Variants in TRAPPC3L observed in about 807,000 individuals in gnomAD.
TRAPPC3L encodes trafficking protein particle complex subunit 3-like protein.
TRAPPC3L carries 23 observed loss-of-function variants against 23.7 expected under a neutral mutation model. The ratio of observed to expected loss-of-function variants is 0.97; its 90% CI spans 0.70 to 1.37. The LOEUF is 1.37. TRAPPC3L is among the 40% of genes most tolerant of loss of function. TRAPPC3L has a pLI of 0.00. For synonymous variants in TRAPPC3L, 81 were observed against 77.9 expected (o/e 1.04, Z -0.21); for missense variants, 212 against 216.8 (o/e 0.98, Z 0.14).
intron 3 of TRAPPC3L, among the ~76,000 whole-genome samples, chr6:116,534,172 A>G (rs1403502212): frequency 6.6e-6 from 1 of 151,990 alleles, no homozygotes; most frequent in Non-Finnish European, 1.5e-5. Flanking sequence ...TTTATATTCA[A>G]CCTTTCATTT....
chr6:116,495,767 T>C lies in TRAPPC3L; in HGVS notation c.*1187A>G, dbSNP rs1311818153. The C allele has an allele frequency of 6.6e-6, 1 of 152,220 alleles. No individual in the cohort carries two copies. The highest frequency in any genetic ancestry group is 1.5e-5 in the Non-Finnish European group (1 of 68,028). 9.4% of individuals were successfully genotyped at this position (152,220 alleles called of 1,614,324 possible). A position where few individuals can be genotyped will look rare whatever the true frequency, so the allele number is the denominator to read the frequency against. The stretch of plus-strand genomic sequence containing the variant: ...TGATTTGCATTTCTCTGATGACCAA[T>C]GATGTTGAGCACCTTTTCATATACC... On this transcript the variant is annotated 3_prime_UTR_variant, in exon 5 of 5. Coordinates refer to ENST00000368602, the MANE Select transcript of TRAPPC3L (RefSeq NM_001139444.3).
chr6:116,512,177 A>T, intron 3 of TRAPPC3L: 1 of 1,611,216 alleles, frequency 6.2e-7, no homozygotes, highest in South Asian at 1.1e-5. Flanking sequence ...TTGTGGCAAA[A>T]CTAGCATGCT....
At chr6:116,503,720 TCACTCAAAACCG>T (rs1196642742) in intron 3 of TRAPPC3L, among the ~76,000 whole-genome samples, 1 of 152,012 alleles carries the variant, frequency 6.6e-6, no homozygotes, top group Non-Finnish European at 1.5e-5. Flanking sequence ...AGTAAAAAAC[TCACTCAAAACCG>T]CACAACTACA....
At position 116,515,513 on chromosome 6, in the gene TRAPPC3L, A is replaced by C. The variant is rs1324999466; in HGVS notation, c.241-14847T>G. 7 of 1,352,218 alleles carry C rather than the reference A, an allele frequency of 5.2e-6. No homozygotes were observed. The Admixed American group carries it at 1.6e-4, about 31-fold the overall frequency. 83.8% of individuals were successfully genotyped at this position (1,352,218 alleles called of 1,614,324 possible). Reference sequence around the variant, plus strand: ...GAGGTATGTCAAAGACTGTGGTAATAATTTAGCTATACACTTCTCAATAAT... The same window carrying C: ...GAGGTATGTCAAAGACTGTGGTAATCATTTAGCTATACACTTCTCAATAAT... On this transcript the variant is annotated intron_variant, in intron 3 of 4. Coordinates refer to ENST00000368602, the MANE Select transcript of TRAPPC3L (RefSeq NM_001139444.3).
chr6:116,521,802 A>T (rs769241483), intron 3 of TRAPPC3L: 1 of 152,246 alleles, frequency 6.6e-6, no homozygotes, highest in African/African-American at 2.4e-5. Context: ...CTTCTGGCAG[A>T]TGTAGTCGTG....
intron 3 of TRAPPC3L, among the ~76,000 whole-genome samples, chr6:116,525,650 T>C (rs1772429184): frequency 6.6e-6 from 1 of 152,242 alleles, no homozygotes; most frequent in African/African-American, 2.4e-5. Flanking sequence ...CAATGAAAAC[T>C]TGAGATTAAA....
Position 116,500,486 on chromosome 6 carries a change from C to T in TRAPPC3L, c.421G>A (p.Glu141Lys). The change falls in exon 4 of 5, where the codon GAA becomes AAA. Residue 141 changes from glutamate to lysine, a missense_variant. Coordinates refer to ENST00000368602, the MANE Select transcript of TRAPPC3L (RefSeq NM_001139444.3). Reference protein sequence around the residue: ...LLCGIIRGALEMVHLAADVTF... With the variant: ...LLCGIIRGALKMVHLAADVTF... ...CTTCACTTATTCAACTTTACCATTT[C>T]CAAGGCACCTCTGATAATCCCACAG... 1 of 1,547,286 alleles carries T rather than the reference C, an allele frequency of 6.5e-7. No individual in the cohort carries two copies. Among genetic ancestry groups the T allele is most frequent in the Non-Finnish European group, 8.7e-7 (1 of 1,145,070 alleles).
chr6:116,497,333 C>G (rs1358005754), intron 4 of TRAPPC3L, among the ~76,000 whole-genome samples: 1 of 152,170 alleles, frequency 6.6e-6, no homozygotes, highest in Non-Finnish European at 1.5e-5. Context: ...CCAAGCTTAG[C>G]TCAATGTGCA....
chr6:116,540,135 C>G (rs536437219), intron 3 of TRAPPC3L, among the ~76,000 whole-genome samples: 2 of 152,294 alleles, frequency 1.3e-5, no homozygotes, highest in South Asian at 2.1e-4. Context: ...GACATATACT[C>G]TACACACTCC....
At chr6:116,501,327 G>C (rs947368416) in intron 3 of TRAPPC3L, among the ~76,000 whole-genome samples, 1 of 152,100 alleles carries the variant, frequency 6.6e-6, no homozygotes, top group Non-Finnish European at 1.5e-5. Context: ...TTGAGTAGGC[G>C]GTTCTATGCT....
chr6:116,507,384 A>G (rs778676923), intron 3 of TRAPPC3L, among the ~76,000 whole-genome samples: 8 of 152,196 alleles, frequency 5.3e-5, no homozygotes, highest in African/African-American at 1.2e-4. Context: ...CTGTGGTCTC[A>G]GTTACCTGTG....
chr6:116,503,845 C>T (rs140409976), intron 3 of TRAPPC3L, among the ~76,000 whole-genome samples: 138 of 152,172 alleles, frequency 9.1e-4, no homozygotes, highest in Middle Eastern at 3.4e-3. Context: ...GCACAATGTA[C>T]GAGAACCTCC....
At chr6:116,540,841 C>T (rs886235849) in intron 2 of TRAPPC3L, among the ~76,000 whole-genome samples, 1 of 152,254 alleles carries the variant, frequency 6.6e-6, no homozygotes, top group Middle Eastern at 3.4e-3. Flanking sequence ...GCTAAAGCGT[C>T]TGCTACATGT....
intron 4 of TRAPPC3L, among the ~76,000 whole-genome samples, chr6:116,497,987 G>A (rs72951241): frequency 0.039 from 5,899 of 152,162 alleles, 183 homozygotes; most frequent in Middle Eastern, 0.13. Context: ...GCTCATACTG[G>A]GCCCGGCCTT....
In TRAPPC3L at chr6:116,525,949, T is replaced by C. The variant is rs1269330498; in HGVS notation, c.240+14414A>G. Among the ~76,000 whole-genome samples, 7 of 152,330 alleles carry C rather than the reference T, an allele frequency of 4.6e-5. No individual in the cohort carries two copies. The East Asian group carries it at 1.2e-3, about 25-fold the overall frequency. Reference sequence around the variant, plus strand: ...TTATTTCTCCCAGGGGTTTTGTTGGTATTTGTGTCACGGAGGAAACATGAG... The same window carrying C: ...TTATTTCTCCCAGGGGTTTTGTTGGCATTTGTGTCACGGAGGAAACATGAG... On this transcript the variant is annotated intron_variant, in intron 3 of 4. Transcript: ENST00000368602.
intron 3 of TRAPPC3L, among the ~76,000 whole-genome samples, chr6:116,500,879 T>A (rs1771901107): frequency 6.6e-6 from 1 of 152,200 alleles, no homozygotes; most frequent in South Asian, 2.1e-4. Flanking sequence ...CTTCCAAGAT[T>A]GTCAAATAGG....
At chr6:116,506,399 C>A (rs1485534326) in intron 3 of TRAPPC3L, among the ~76,000 whole-genome samples, 4 of 152,178 alleles carry the variant, frequency 2.6e-5, no homozygotes, top group Admixed American at 2.6e-4. Flanking sequence ...AGTAGGAACA[C>A]TTTTACACTG....
chr6:116,496,956 A>AT lies in TRAPPC3L; in HGVS notation c.543dup (p.Ter182MetfsTer22). On this transcript the variant is annotated frameshift_variant, in exon 5 of 5. Transcript: ENST00000368602. LOFTEE classifies it high-confidence loss of function. ...CGTGGCATTTTCCGTGCTAGTCTTC[A>AT]TTTTTTCCCTCTATATTTTTTCTCG... The AT allele has an allele frequency of 6.5e-7, 1 of 1,543,246 alleles. No individual in the cohort carries two copies. The highest frequency in any genetic ancestry group is 8.7e-7 in the Non-Finnish European group (1 of 1,144,988).
In TRAPPC3L at chr6:116,540,384, T is replaced by A; in HGVS notation, c.219A>T (p.Glu73Asp). ...SCVGRCHSYS[E>D]IIDIIAQVAF... ...TTACCTGGGCAATTATGTCTATAAT[T>A]TCTGAATAACTATGGCATCTTCCCA... Residue 73 changes from glutamate to aspartate, a missense_variant, in exon 3 of 5, where the codon GAA becomes GAT. By Grantham distance (45) the Glu-to-Asp change is conservative. Transcript: ENST00000368602. 1.3e-6 allele frequency: 2 copies of A among 1,551,196 alleles called. No homozygotes were observed. Among genetic ancestry groups the A allele is most frequent in the Non-Finnish European group, 1.7e-6 (2 of 1,146,694 alleles).
Sources: allele counts gnomAD v4.1 joint callset (sites outside exome capture counted in the v4.1 genomes callset), GRCh38; gene constraint gnomAD v4.1.1; transcripts MANE v1.5; gene names NCBI Gene and HGNC (gene_info 2026-07-23, HGNC 2026-07-21).